QTGAL: variants seen among roughly 807,000 people sequenced by gnomAD.
The protein encoded by QTGAL is BGnT-like protein 1.
chr17:82,959,507 A>G, the QTGAL span, among the ~76,000 whole-genome samples: 1 of 152,006 alleles, frequency 6.6e-6, no homozygotes, highest in Non-Finnish European at 1.5e-5. Context: ...CAGCTCCTGC[A>G]GACGGCTGCG....
chr17:83,031,981 CACA>C, the QTGAL span, among the ~76,000 whole-genome samples: 1 of 152,364 alleles, frequency 6.6e-6, no homozygotes. Flanking sequence ...GGCCCAGCCT[CACA>C]ACATCTGCAG....
chr17:83,016,343 G>C, the QTGAL span, among the ~76,000 whole-genome samples: 1 of 152,118 alleles, frequency 6.6e-6, no homozygotes, highest in Admixed American at 6.5e-5. Context: ...CCGCAAAACG[G>C]CCTTAGGACA....
chr17:83,022,357 GTT>G, the QTGAL span, among the ~76,000 whole-genome samples: 1 of 31,598 alleles, frequency 3.2e-5, no homozygotes, highest in Non-Finnish European at 6.2e-5. Context: ...GTGAACTCAC[GTT>G]AGCTTAGCAC....
chr17:82,958,627 G>A, the QTGAL span, among the ~76,000 whole-genome samples: 1 of 152,152 alleles, frequency 6.6e-6, no homozygotes, highest in African/African-American at 2.4e-5. Context: ...GGGACACGGG[G>A]TCCCCTCTGT....
At chr17:82,986,646 G>A in the QTGAL span, among the ~76,000 whole-genome samples, 18 of 152,344 alleles carry the variant, frequency 1.2e-4, no homozygotes, top group Non-Finnish European at 1.5e-4. Context: ...GCTCATCAAG[G>A]AACCCTGATC....
chr17:82,971,132 T>C, the QTGAL span, among the ~76,000 whole-genome samples: 2 of 152,104 alleles, frequency 1.3e-5, no homozygotes, highest in African/African-American at 4.8e-5. Context: ...GGGGGTCAAA[T>C]TTCAACGTTT....
chr17:82,947,162 C>T, the QTGAL span: 1 of 552,284 alleles, frequency 1.8e-6, no homozygotes, highest in Non-Finnish European at 3.2e-6. Flanking sequence ...GCAGCCGGCA[C>T]TGCTTGTACC....
chr17:83,013,633 G>A, the QTGAL span, among the ~76,000 whole-genome samples: 2 of 151,678 alleles, frequency 1.3e-5, no homozygotes, highest in Non-Finnish European at 2.9e-5. Flanking sequence ...ACCTGACCAG[G>A]ATGTGACCAG....
chr17:82,979,248 A>G, the QTGAL span: 5 of 152,242 alleles, frequency 3.3e-5, no homozygotes, highest in Admixed American at 1.3e-4. Context: ...GAGAGGACCC[A>G]AATAACTAAT....
the QTGAL span, among the ~76,000 whole-genome samples, chr17:82,972,215 T>C: frequency 1.7e-4 from 7 of 40,394 alleles, no homozygotes; most frequent in East Asian, 3.5e-3. Context: ...CAGAAGGACC[T>C]GGTGCCGACC....
chr17:83,028,811 T>C, the QTGAL span, among the ~76,000 whole-genome samples: 1 of 152,100 alleles, frequency 6.6e-6, no homozygotes, highest in East Asian at 1.9e-4. Context: ...CAGACAAGAA[T>C]GTTAATGGCG....
the QTGAL span, chr17:82,957,345 G>A: frequency 6.2e-7 from 1 of 1,613,636 alleles, no homozygotes. Flanking sequence ...GTTGGAGGGT[G>A]GCAGGATGCT....
At chr17:82,980,245 C>A in the QTGAL span, among the ~76,000 whole-genome samples, 1 of 152,290 alleles carries the variant, frequency 6.6e-6, no homozygotes, top group African/African-American at 2.4e-5. Context: ...AACTTTTGTT[C>A]TGTGAAAAAT....
At chr17:83,030,256 T>C in the QTGAL span, among the ~76,000 whole-genome samples, 1 of 152,166 alleles carries the variant, frequency 6.6e-6, no homozygotes, top group African/African-American at 2.4e-5. Flanking sequence ...AAGTTCTCCA[T>C]GAGAGGAAAA....
At chr17:82,991,067 G>A in the QTGAL span, among the ~76,000 whole-genome samples, 7 of 152,306 alleles carry the variant, frequency 4.6e-5, no homozygotes, top group African/African-American at 1.7e-4. Flanking sequence ...AATCCAGATC[G>A]TAGATGAAAA....
the QTGAL span, among the ~76,000 whole-genome samples, chr17:83,025,068 A>G: frequency 6.6e-6 from 1 of 152,240 alleles, no homozygotes; most frequent in South Asian, 2.1e-4. Context: ...TGAACATCAC[A>G]GTAAGTGACA....
At chr17:83,013,508 C>A in the QTGAL span, among the ~76,000 whole-genome samples, 1 of 149,094 alleles carries the variant, frequency 6.7e-6, no homozygotes, top group African/African-American at 2.5e-5. Flanking sequence ...CCGTCCTGCC[C>A]TTGCCCCCCT....
chr17:83,034,861 A>G, the QTGAL span, among the ~76,000 whole-genome samples: 2 of 152,336 alleles, frequency 1.3e-5, no homozygotes, highest in African/African-American at 4.8e-5. Flanking sequence ...TTCTTTATAA[A>G]TTACCCAGTC....
At chr17:83,025,189 G>A in the QTGAL span, among the ~76,000 whole-genome samples, 2 of 121,852 alleles carry the variant, frequency 1.6e-5, no homozygotes, top group East Asian at 5.0e-4. Context: ...GGACACCGCG[G>A]AGAGTCCACA....
Sources: allele counts gnomAD v4.1 joint callset (sites outside exome capture counted in the v4.1 genomes callset), GRCh38; gene constraint gnomAD v4.1.1; transcripts MANE v1.5; gene names NCBI Gene and HGNC (gene_info 2026-07-23, HGNC 2026-07-21).